Variants in FNDC8 observed in about 807,000 individuals in gnomAD.
The protein encoded by FNDC8 is fibronectin type III domain containing 8, also known as fibronectin type III domain-containing protein 8.
In FNDC8, 23 loss-of-function variants were observed where a neutral mutation model predicts 24.8. The observed-to-expected ratio is 0.93, with a 90% CI of 0.67 to 1.31. The LOEUF is 1.31. Ranked by LOEUF, FNDC8 falls within the 40% of genes most tolerant of loss-of-function variation. FNDC8 has a pLI of 0.00. For synonymous variants in FNDC8, 158 were observed against 165.3 expected (o/e 0.96, Z 0.34); for missense variants, 371 against 398.2 (o/e 0.93, Z 0.58).
Position 35,127,392 on chromosome 17 carries a change from A to T in FNDC8, c.560A>T (p.His187Leu), listed in dbSNP as rs1344237495. ...CCGGACACCCCCTTCATCTTTGAGC[A>T]CACCGTCAACAATTCCACAGCTGTG... is the stretch of plus-strand genomic sequence containing the variant. ...DLPDTPFIFE[H>L]TVNNSTAVIS... Residue 187 changes from histidine (H) to leucine (L), a missense_variant, in exon 2 of 4, where the codon CAC becomes CTC. Coordinates refer to ENST00000158009, the MANE Select transcript of FNDC8 (RefSeq NM_017559.4). The T allele has an allele frequency of 6.4e-7, 1 of 1,565,556 alleles. No homozygotes were observed. The highest frequency in any genetic ancestry group is 8.6e-7 in the Non-Finnish European group (1 of 1,156,328).
At chr17:35,126,497 C>CATTTTTTTTTTTTTTTT (rs1555571324) in intron 1 of FNDC8, among the ~76,000 whole-genome samples, 1 of 112,046 alleles carries the variant, frequency 8.9e-6, no homozygotes, top group Non-Finnish European at 1.8e-5. Context: ...ATTTTCTAAG[C>CATTTTTTTTTTTTTTTT]TTTTTTTTTT....
intron 1 of FNDC8, among the ~76,000 whole-genome samples, chr17:35,123,211 A>G (rs1567738980): frequency 6.6e-6 from 1 of 152,186 alleles, no homozygotes; most frequent in Admixed American, 6.5e-5. Context: ...GAATTTTTGA[A>G]TAAGGGGCTC....
At chr17:35,121,940 T>G in intron 1 of FNDC8, 38 bp downstream of exon 1, 1 of 1,183,376 alleles carries the variant, frequency 8.5e-7, no homozygotes, top group Non-Finnish European at 1.1e-6. Flanking sequence ...CCTCCCTCCC[T>G]CCCTCCCTTC....
intron 1 of FNDC8, among the ~76,000 whole-genome samples, chr17:35,122,208 A>ATATATATATATAT (rs1567738641): frequency 9.8e-4 from 9 of 9,154 alleles, no homozygotes; most frequent in Non-Finnish European, 1.2e-3. Flanking sequence ...ATATATATAT[A>ATATATATATATAT]AATTTTTTTT....
At chr17:35,121,933 C>CCCTCCCTCCCTCCCTT in intron 1 of FNDC8, 31 bp downstream of exon 1, 1 of 1,400,038 alleles carries the variant, frequency 7.1e-7, no homozygotes, top group Non-Finnish European at 1.0e-6. Context: ...CTCCCTCCCT[C>CCCTCCCTCCCTCCCTT]CCTCCCTCCC....
In FNDC8 at chr17:35,127,111, C is replaced by CT; in HGVS notation, c.281dup (p.Leu94PhefsTer40). On this transcript the variant is annotated frameshift_variant, in exon 2 of 4. Coordinates refer to ENST00000158009, the MANE Select transcript of FNDC8 (RefSeq NM_017559.4). LOFTEE classifies it high-confidence loss of function. ...CCAGCATCTCTGCCTTCTCATCCAC[C>CT]TTGCTGAACCCCATCAAATTAGCTG... The CT allele has an allele frequency of 1.2e-6, 2 of 1,614,156 alleles. No individual in the cohort carries two copies. Among genetic ancestry groups the CT allele is most frequent in the South Asian group, 2.2e-5 (2 of 91,074 alleles).
chr17:35,129,939 C>T (rs2091866313), intron 3 of FNDC8: 1 of 1,375,474 alleles, frequency 7.3e-7, no homozygotes, highest in South Asian at 1.7e-5. Context: ...CAATTCAGTG[C>T]CCATGATTGT....
chr17:35,121,738 T>G lies in FNDC8; in HGVS notation c.45T>G (p.Ala15=). The G allele has an allele frequency of 6.2e-7, 1 of 1,613,972 alleles. No homozygotes were observed. The highest frequency in any genetic ancestry group is 8.5e-7 in the Non-Finnish European group (1 of 1,179,954). The change falls in exon 1 of 4, where the codon GCT becomes GCG. Residue 15 remains alanine (A), a synonymous_variant. Coordinates refer to ENST00000158009, the MANE Select transcript of FNDC8 (RefSeq NM_017559.4). ...ATCAAGTGGGAGATGGGGAGGAGGC[T>G]GTACTGAAGAAAGAAAACTTCAACA... The part of the protein sequence containing the change: ...ALHQVGDGEE[A]VLKKENFNMM...
chr17:35,124,693 T>TA (rs888388222), intron 1 of FNDC8, among the ~76,000 whole-genome samples: 3 of 152,144 alleles, frequency 2.0e-5, no homozygotes, highest in Non-Finnish European at 2.9e-5. Flanking sequence ...TGGGTAAAGG[T>TA]AAAAAAAGAT....
At chr17:35,130,096 CATA>C in intron 3 of FNDC8, 183 bp from the exon 4 acceptor site, 1 of 1,426,486 alleles carries the variant, frequency 7.0e-7, no homozygotes, top group Non-Finnish European at 9.1e-7. Context: ...GGAAATATCC[CATA>C]ATGAGGAGGT....
intron 1 of FNDC8, among the ~76,000 whole-genome samples, chr17:35,123,385 G>C (rs771905401): frequency 4.6e-5 from 7 of 152,144 alleles, no homozygotes; most frequent in Non-Finnish European, 8.8e-5. Flanking sequence ...TCTTGGACTA[G>C]AAGCCCAAAC....
chr17:35,129,388 T>C (rs2091862466), intron 2 of FNDC8, 34 bp from the exon 3 acceptor site: 2 of 1,605,630 alleles, frequency 1.2e-6, no homozygotes, highest in Non-Finnish European at 1.7e-6. Flanking sequence ...ACAGGACATA[T>C]CTGAGGAAGC....
Position 35,127,156 on chromosome 17 carries a change from CT to C in FNDC8, c.326del (p.Phe109SerfsTer10). ...TAGCTGTGACCCAGCCCAACAGCAG[CT>C]TCTTTGCAGGGATGCTGGAGGGGGA... ...KLAVTQPNSS[F>X]FAGMLEGELN... On this transcript the variant is annotated frameshift_variant, in exon 2 of 4. Coordinates refer to ENST00000158009, the MANE Select transcript of FNDC8 (RefSeq NM_017559.4). LOFTEE classifies it high-confidence loss of function. 6.2e-7 allele frequency: 1 copy of C among 1,614,256 alleles called. No individual in the cohort carries two copies.
At chr17:35,128,882 T>TG in intron 2 of FNDC8, 1 of 172,566 alleles carries the variant, frequency 5.8e-6, no homozygotes, top group Admixed American at 6.0e-5. Context: ...GGGTCCCATT[T>TG]GGGGGTGATG....
rs775005391 is a variant in FNDC8, at chr17:35,129,444, G to A, written c.608G>A (p.Gly203Asp). 4 of 1,614,062 alleles carry A rather than the reference G, an allele frequency of 2.5e-6. No individual in the cohort carries two copies. The highest frequency in any genetic ancestry group is 3.4e-6 in the Non-Finnish European group (4 of 1,179,910). ...TAVISWTYALGKQPVSFYQLL... is the reference protein window; with the variant it reads ...TAVISWTYALDKQPVSFYQLL... Reference sequence around the variant, plus strand: ...TAGATTTCCTGGACCTACGCCTTGGGCAAGCAGCCGGTCAGTTTCTACCAG... The same window carrying A: ...TAGATTTCCTGGACCTACGCCTTGGACAAGCAGCCGGTCAGTTTCTACCAG... Residue 203 changes from glycine (G) to aspartate (D), a missense_variant, in exon 3 of 4, where the codon GGC (glycine) becomes GAC (aspartate). Transcript: ENST00000158009.
At position 35,127,077 on chromosome 17, in the gene FNDC8, C is replaced by A; in HGVS notation, c.245C>A (p.Ser82Tyr). 1.9e-6 allele frequency: 3 copies of A among 1,611,364 alleles called. No individual in the cohort carries two copies. Among genetic ancestry groups the A allele is most frequent in the Non-Finnish European group, 2.5e-6 (3 of 1,178,284 alleles). The change falls in exon 2 of 4, where the codon TCT (serine) becomes TAT (tyrosine). Residue 82 changes from serine to tyrosine, a missense_variant. Ser to Tyr is a moderately radical substitution (Grantham distance 144, BLOSUM62 -2). Coordinates refer to ENST00000158009, the MANE Select transcript of FNDC8 (RefSeq NM_017559.4). ...CCAGTAGAGGATTCAGACTGCAGCT[C>A]TGATGAGACCAGCATCTCTGCCTTC... is the stretch of plus-strand genomic sequence containing the variant. Reference protein sequence around the residue: ...PLPVEDSDCSSDETSISAFSS... With the variant: ...PLPVEDSDCSYDETSISAFSS...
In FNDC8 at chr17:35,129,629, G is replaced by C. The variant is rs1223204557; in HGVS notation, c.793G>C (p.Gly265Arg). The stretch of plus-strand genomic sequence containing the variant: ...CAGTGTCCGTGCAGCCAACACAGCT[G>C]GGGTGGGGAAGTGGTGCAAGCCCTA... ...CLSVRAANTA[G>R]VGKWCKPYKF... Residue 265 changes from glycine (G) to arginine (R), a missense_variant, in exon 3 of 4, where the codon GGG (glycine) becomes CGG (arginine). By Grantham distance (125) the Gly-to-Arg change is moderately radical (BLOSUM62 -2). Transcript: ENST00000158009. 5 of 1,613,990 alleles carry C rather than the reference G, an allele frequency of 3.1e-6. No individual in the cohort carries two copies. In the African/African-American group the frequency reaches 6.7e-5, roughly 22 times the overall value.
At chr17:35,124,537 A>G (rs2091841732) in intron 1 of FNDC8, among the ~76,000 whole-genome samples, 1 of 152,032 alleles carries the variant, frequency 6.6e-6, no homozygotes, top group South Asian at 2.1e-4. Flanking sequence ...AAAAATAAAT[A>G]AATAAATAAA....
At position 35,122,181 on chromosome 17, in the gene FNDC8, TATATATATATATATATATATATATATAAA is replaced by T. The variant is rs1567738451; in HGVS notation, c.209+280_209+308del. ...TCATATATATATATATATATATATA[TATATATATATATATATATATATATATAAA>T]TTTTTTTTTTTGGTAGAAACGGGGT... On this transcript the variant is annotated intron_variant, in intron 1 of 3. Transcript: ENST00000158009. Among the ~76,000 whole-genome samples the T allele has an allele frequency of 2.7e-4, 7 of 25,734 alleles. 1 individual carries two copies. Among genetic ancestry groups the T allele is most frequent in the African/African-American group, 7.9e-4 (4 of 5,038 alleles). The allele number at this position is 25,734 out of a possible 152,430, so 16.9% of individuals were successfully genotyped here.
Sources: gnomAD v4.1 joint callset for allele counts (sites outside exome capture counted in the v4.1 genomes callset) on GRCh38, gnomAD v4.1.1 for gene constraint, MANE v1.5 for transcripts, NCBI Gene and HGNC (gene_info 2026-07-23, HGNC 2026-07-21) for gene names.